The following IKBKG variants were observed in gnomAD, a reference collection of about 807,000 sequenced individuals.
IKBKG encodes NF-kappa-B essential modulator.
IKBKG carries 2 observed loss-of-function variants against 13.7 expected under a neutral mutation model. The observed-to-expected ratio is 0.15, with a 90% CI of 0.06 to 0.46. The LOEUF is 0.46. Among genes scored for constraint, IKBKG ranks in the 20% least tolerant of loss-of-function variants. The pLI is 0.98. For missense variants in IKBKG, 53 were observed against 150.3 expected (o/e 0.35, Z 3.39); for synonymous variants, 22 against 64.4 (o/e 0.34, Z 3.15).
chrX:154,547,200 G>C (rs886918472), upstream of IKBKG: 100 of 415,240 alleles, frequency 2.4e-4, no homozygotes, highest in African/African-American at 2.6e-3. Flanking sequence ...TCGCGCGCTC[G>C]CGGAGGGCTC....
chrX:154,547,208 C>A, upstream of IKBKG: 2 of 466,010 alleles, frequency 4.3e-6, no homozygotes, highest in Non-Finnish European at 5.3e-6. Flanking sequence ...TCGCGGAGGG[C>A]TCCACTTCCG....
At chrX:154,545,866 G>A, upstream of IKBKG, 1 of 476,644 alleles carries the variant, frequency 2.1e-6, no homozygotes, top group Non-Finnish European at 3.5e-6. Flanking sequence ...AGTCTTGCAA[G>A]TGCATATGCA....
chrX:154,542,894 A>G (rs1396959167), upstream of IKBKG, among the ~76,000 whole-genome samples: 1 of 112,153 alleles, frequency 8.9e-6, no homozygotes, highest in Admixed American at 9.4e-5. Flanking sequence ...CCTGGCCGCA[A>G]TAGCACATAG....
exon 1 of IKBKG, chrX:154,541,315 C>T (rs781876601): frequency 8.9e-6 from 1 of 111,842 alleles, no homozygotes; most frequent in South Asian, 3.7e-4. Context: ...ATTGAACCGG[C>T]TCACCTTGTT....
intron 2 of IKBKG, among the ~76,000 whole-genome samples, chrX:154,554,152 A>G (rs1466672297): frequency 8.9e-6 from 1 of 112,769 alleles, no homozygotes; most frequent in Non-Finnish European, 1.9e-5. Context: ...CTGTCCCCCA[A>G]GATGTACATG....
chrX:154,549,588 T>C (rs782213768), intron 1 of IKBKG, among the ~76,000 whole-genome samples: 5 of 111,993 alleles, frequency 4.5e-5, no homozygotes, highest in African/African-American at 1.6e-4. Context: ...CCACCACTAT[T>C]ATTTTCAATA....
At chrX:154,545,799 C>T (rs1603415002), upstream of IKBKG, 1 of 362,213 alleles carries the variant, frequency 2.8e-6, no homozygotes, top group South Asian at 3.5e-5. Flanking sequence ...GGCGCCACTG[C>T]ACCCCATCCT....
Position 154,547,659 on chromosome X carries a change from TG to T in IKBKG, c.-99del, listed in dbSNP as rs1227448525. On this transcript the variant is annotated 5_prime_UTR_variant, in exon 1 of 10. Transcript: ENST00000594239. ...TGGTAGGGAAGGGCGACCGCGAAACTGGGACTTTCTCGGAGCGCCGGGGCCC... is the reference window on the plus strand; with the variant it reads ...TGGTAGGGAAGGGCGACCGCGAAACTGGACTTTCTCGGAGCGCCGGGGCCC... The T allele has an allele frequency of 1.2e-5, 9 of 753,771 alleles. No individual in the cohort carries two copies. In the East Asian group the frequency reaches 1.2e-3, roughly 101 times the overall value. The allele number at this position is 753,771 out of a possible 1,213,427, so 62.1% of individuals were successfully genotyped here.
At chrX:154,546,160 C>T, upstream of IKBKG, 1 of 1,211,744 alleles carries the variant, frequency 8.3e-7, no homozygotes, top group Non-Finnish European at 1.1e-6. Context: ...TGCCATGACG[C>T]TGTCTGGTGG....
upstream of IKBKG, chrX:154,542,537 C>G: frequency 9.5e-7 from 1 of 1,049,540 alleles, no homozygotes. Flanking sequence ...GAGGTGCCAT[C>G]AGGGCCCCCA....
upstream of IKBKG, chrX:154,546,814 G>T: frequency 1.7e-6 from 2 of 1,162,667 alleles, no homozygotes; most frequent in Non-Finnish European, 2.3e-6. Context: ...GTCGCCCTCC[G>T]CGCTCGCAGC....
At chrX:154,553,220 T>C (rs782665454) in intron 2 of IKBKG, among the ~76,000 whole-genome samples, 11 of 112,615 alleles carry the variant, frequency 9.8e-5, no homozygotes, top group Non-Finnish European at 1.5e-4. Context: ...GCAGCTTCAA[T>C]TGGCTCTCCG....
At chrX:154,548,526 A>C (rs991883289) in intron 1 of IKBKG, among the ~76,000 whole-genome samples, 1 of 112,658 alleles carries the variant, frequency 8.9e-6, no homozygotes, top group Non-Finnish European at 1.9e-5. Flanking sequence ...AATTTCAAAA[A>C]TGTACGAAAG....
upstream of IKBKG, chrX:154,547,613 T>C: frequency 4.0e-6 from 3 of 754,689 alleles, no homozygotes; most frequent in Non-Finnish European, 4.7e-6. Flanking sequence ...CCCACAGCTA[T>C]GACACCGGAA....
At chrX:154,542,777 T>C (rs1177679728), upstream of IKBKG, among the ~76,000 whole-genome samples, 1 of 111,789 alleles carries the variant, frequency 8.9e-6, no homozygotes, top group Admixed American at 9.5e-5. Context: ...CCGGCCCTCT[T>C]TGTGGGATCT....
upstream of IKBKG, among the ~76,000 whole-genome samples, chrX:154,544,183 G>A (rs2070616819): frequency 1.0e-5 from 1 of 100,490 alleles, no homozygotes; most frequent in Non-Finnish European, 2.0e-5. Context: ...TTTGTTTTGA[G>A]ACAGAGTCTC....
At chrX:154,551,633 T>C (rs935615789) in intron 1 of IKBKG, among the ~76,000 whole-genome samples, 35 of 111,625 alleles carry the variant, frequency 3.1e-4, no homozygotes, top group African/African-American at 1.1e-3. Context: ...CTACACTGGA[T>C]GAGGGGCCGG....
chrX:154,542,168 C>A lies in IKBKG; in HGVS notation c.-186-114C>A, dbSNP rs900922949. The A allele has an allele frequency of 1.1e-5, 6 of 554,109 alleles. No individual in the cohort carries two copies. The African/African-American group carries it at 1.4e-4, about 13-fold the overall frequency. The allele number at this position is 554,109 out of a possible 1,213,427, so 45.7% of individuals were successfully genotyped here. On this transcript the variant is annotated intron_variant, in intron 1 of 10. Transcript: ENST00000422680. ...CTTATCAGACCAATGGGGAAGTCAG[C>A]CCAGAAATGTTCTGAGGAAAGGGGA...
intron 1 of IKBKG, among the ~76,000 whole-genome samples, chrX:154,551,107 C>T (rs1241204528): frequency 9.8e-6 from 1 of 101,977 alleles, no homozygotes; most frequent in African/African-American, 4.1e-5. Context: ...CCACCGTGAC[C>T]GGCAATTTTT....
Sources: allele counts gnomAD v4.1 joint callset (sites outside exome capture counted in the v4.1 genomes callset), GRCh38; gene constraint gnomAD v4.1.1; transcripts MANE v1.5; gene names NCBI Gene and HGNC (gene_info 2026-07-23, HGNC 2026-07-21).